The following KCNJ6 variants were observed in gnomAD, a reference collection of about 807,000 sequenced individuals.
KCNJ6 encodes the protein potassium inwardly rectifying channel subfamily J member 6, also known as G protein-activated inward rectifier potassium channel 2.
Under a neutral mutation model 34.2 loss-of-function variants are expected in KCNJ6, and 9 were observed. That is an observed-to-expected ratio of 0.26 (90% CI 0.16 to 0.46). KCNJ6 has a LOEUF of 0.46. KCNJ6 is among the 20% of genes least tolerant of loss of function. The pLI is 1.00. For missense variants in KCNJ6, 236 were observed against 531.3 expected (o/e 0.44, Z 5.46); for synonymous variants, 196 against 207.1 (o/e 0.95, Z 0.46).
At chr21:37,806,940 A>T (rs1459543640) in intron 2 of KCNJ6, among the ~76,000 whole-genome samples, 1 of 152,216 alleles carries the variant, frequency 6.6e-6, no homozygotes, top group African/African-American at 2.4e-5. Flanking sequence ...TACAGATTAT[A>T]TTGTTTTATT....
chr21:37,714,266 C>T lies in KCNJ6; in HGVS notation c.891G>A (p.Leu297=), dbSNP rs1449906232. The part of the protein sequence containing the change: ...SPFWEISKAQ[L]PKEELEIVVI... Reference sequence around the variant, plus strand: ...CCACAATTTCCAGTTCCTCTTTGGGCAGCTGGGCTTTGGAGATCTCCCAGA... The same window carrying T: ...CCACAATTTCCAGTTCCTCTTTGGGTAGCTGGGCTTTGGAGATCTCCCAGA... The change falls in exon 3 of 4, where the codon CTG becomes CTA. Residue 297 remains leucine, a synonymous_variant. Coordinates refer to ENST00000609713, the MANE Select transcript of KCNJ6 (RefSeq NM_002240.5). The surrounding 1 kb of genome is among the most constrained non-coding windows in gnomAD (Gnocchi z 5.9). 2 of 1,614,108 alleles carry T rather than the reference C, an allele frequency of 1.2e-6. No individual in the cohort carries two copies. The highest frequency in any genetic ancestry group is 1.7e-6 in the Non-Finnish European group (2 of 1,179,942).
At chr21:37,793,217 C>G (rs2055225104) in intron 2 of KCNJ6, among the ~76,000 whole-genome samples, 2 of 152,204 alleles carry the variant, frequency 1.3e-5, no homozygotes, top group African/African-American at 4.8e-5. Context: ...GAAAGGCTGA[C>G]TTCTCATGGC....
At chr21:37,789,808 T>A (rs1240371659) in intron 2 of KCNJ6, among the ~76,000 whole-genome samples, 1 of 152,224 alleles carries the variant, frequency 6.6e-6, no homozygotes, top group East Asian at 1.9e-4. Context: ...TCCTAAGTCA[T>A]GCAGATAGAT....
intron 2 of KCNJ6, among the ~76,000 whole-genome samples, chr21:37,816,342 G>C (rs2055346838): frequency 6.6e-6 from 1 of 152,216 alleles, no homozygotes; most frequent in Admixed American, 6.5e-5. Flanking sequence ...GCTATTGCAA[G>C]GGCTTGGGGT....
chr21:37,711,238 G>A (rs2054750384), intron 3 of KCNJ6, among the ~76,000 whole-genome samples: 1 of 152,230 alleles, frequency 6.6e-6, no homozygotes, highest in African/African-American at 2.4e-5. Flanking sequence ...CCCAGCAGAC[G>A]GAAGGACCCA....
At position 37,781,142 on chromosome 21, in the gene KCNJ6, C is replaced by G. The variant is rs549036365; in HGVS notation, c.25+59516G>C. 1.7e-3 allele frequency among the ~76,000 whole-genome samples: 262 copies of G among 152,308 alleles called. 1 individual carries two copies. The highest frequency in any genetic ancestry group is 5.4e-3 in the African/African-American group (224 of 41,576). On this transcript the variant is annotated intron_variant, in intron 2 of 3. Transcript: ENST00000609713. The stretch of plus-strand genomic sequence containing the variant: ...AACAGCAGAATTCCCATCTCCACAC[C>G]ACCACCCATCCGGCATCAGTCAAAA...
rs115918839 is a variant in KCNJ6, at chr21:37,827,478, A to G, written c.25+13180T>C. 8.9e-3 allele frequency among the ~76,000 whole-genome samples: 1,362 copies of G among 152,222 alleles called. 26 individuals are homozygous for G. The highest frequency in any genetic ancestry group is 0.031 in the African/African-American group (1,296 of 41,518). On this transcript the variant is annotated intron_variant, in intron 2 of 3. Transcript: ENST00000609713. ...AATCGATCAACAAGAATTTTTTAGT[A>G]CCTAATGGAAATTTATAAAATCATA...
At chr21:37,699,185 T>A (rs1451688460) in intron 3 of KCNJ6, among the ~76,000 whole-genome samples, 2 of 152,218 alleles carry the variant, frequency 1.3e-5, no homozygotes, top group African/African-American at 2.4e-5. Flanking sequence ...GCTTAATCCT[T>A]GCTCTAAAAT....
intron 2 of KCNJ6, among the ~76,000 whole-genome samples, chr21:37,781,482 T>A (rs1040226013): frequency 3.3e-5 from 5 of 152,146 alleles, no homozygotes; most frequent in African/African-American, 7.2e-5. Context: ...GACAAAGAGA[T>A]AACTCATACT....
rs563670490 is a variant in KCNJ6, at chr21:37,893,312, ATTCTCCTGCCTCAGCC to A, written c.-28+22556_-28+22571del. On this transcript the variant is annotated intron_variant, in intron 1 of 3. Transcript: ENST00000609713. Reference sequence around the variant, plus strand: ...AATCTCTGCCACCTGTGTCCAAGCAATTCTCCTGCCTCAGCCTCCCAAGTAGCTGGGATTACAGGCA... The same window carrying A: ...AATCTCTGCCACCTGTGTCCAAGCAATCCCAAGTAGCTGGGATTACAGGCA... Among the ~76,000 whole-genome samples the A allele has an allele frequency of 2.7e-5, 4 of 149,564 alleles. No homozygotes were observed. In the East Asian group the frequency reaches 6.0e-4, roughly 23 times the overall value.
At chr21:37,808,889 T>C (rs551310787) in intron 2 of KCNJ6, among the ~76,000 whole-genome samples, 1 of 152,212 alleles carries the variant, frequency 6.6e-6, no homozygotes, top group African/African-American at 2.4e-5. Context: ...CTAGAGAGGA[T>C]GTGGAGAAAT....
rs543767415 is a variant in KCNJ6, at chr21:37,818,454, G to A, written c.25+22204C>T. Reference sequence around the variant, plus strand: ...CAATGCCCATTCCTAATCAGCTAGCGGCACCCGAATGATGAAGGAATCCCA... The same window carrying A: ...CAATGCCCATTCCTAATCAGCTAGCAGCACCCGAATGATGAAGGAATCCCA... On this transcript the variant is annotated intron_variant, in intron 2 of 3. Coordinates refer to ENST00000609713, the MANE Select transcript of KCNJ6 (RefSeq NM_002240.5). Among the ~76,000 whole-genome samples the A allele has an allele frequency of 1.6e-3, 229 of 143,092 alleles. 1 individual carries two copies. Among genetic ancestry groups the A allele is most frequent in the African/African-American group, 5.7e-3 (213 of 37,378 alleles). The allele number at this position is 143,092 out of a possible 152,430, so 93.9% of individuals were successfully genotyped here.
At chr21:37,809,697 C>T (rs2055312814) in intron 2 of KCNJ6, among the ~76,000 whole-genome samples, 2 of 152,214 alleles carry the variant, frequency 1.3e-5, no homozygotes, top group South Asian at 4.1e-4. Context: ...TCCATTTTCT[C>T]CTCCTGTGGG....
intron 3 of KCNJ6, among the ~76,000 whole-genome samples, chr21:37,654,819 CT>C (rs1209265525): frequency 6.6e-6 from 1 of 152,214 alleles, no homozygotes; most frequent in African/African-American, 2.4e-5. Flanking sequence ...TGCACAGCCC[CT>C]GGCTGGGTCT....
intron 3 of KCNJ6, among the ~76,000 whole-genome samples, chr21:37,647,035 A>G (rs879422316): frequency 2.0e-5 from 3 of 152,168 alleles, no homozygotes; most frequent in Non-Finnish European, 4.4e-5. Flanking sequence ...GACTGTGTGT[A>G]GGGATCAGAG....
intron 1 of KCNJ6, 81 bp downstream of exon 1, chr21:37,915,803 C>G (rs370974416): frequency 6.6e-6 from 1 of 152,336 alleles, no homozygotes; most frequent in African/African-American, 2.4e-5. Context: ...GGGAAGGGGA[C>G]GCGGGGACCC....
intron 1 of KCNJ6, among the ~76,000 whole-genome samples, chr21:37,865,451 G>A (rs1370431220): frequency 6.6e-6 from 1 of 152,224 alleles, no homozygotes; most frequent in Non-Finnish European, 1.5e-5. Context: ...GAAAGACACT[G>A]GCTGGAGGGG....
intron 3 of KCNJ6, among the ~76,000 whole-genome samples, chr21:37,632,859 A>G (rs1219106788): frequency 3.9e-5 from 6 of 152,184 alleles, no homozygotes; most frequent in Non-Finnish European, 8.8e-5. Flanking sequence ...AAAACTTGCC[A>G]TAAAGAAATT....
intron 2 of KCNJ6, among the ~76,000 whole-genome samples, chr21:37,742,087 A>C (rs1366469492): frequency 6.6e-6 from 1 of 152,200 alleles, no homozygotes; most frequent in Non-Finnish European, 1.5e-5. Flanking sequence ...CAGGTGAGCT[A>C]CCTAGAAATG....
Sources: gnomAD v4.1 joint callset for allele counts (sites outside exome capture counted in the v4.1 genomes callset) on GRCh38, gnomAD v4.1.1 for gene constraint, Gnocchi (gnomAD v3.1) non-coding constraint, MANE v1.5 for transcripts, NCBI Gene and HGNC (gene_info 2026-07-23, HGNC 2026-07-21) for gene names.